The following SYK variants were observed in gnomAD, a reference collection of about 807,000 sequenced individuals.
The protein encoded by SYK is tyrosine-protein kinase SYK.
SYK carries 16 observed loss-of-function variants against 77.8 expected under a neutral mutation model. That is an observed-to-expected ratio of 0.21 (90% CI 0.14 to 0.31). The LOEUF (loss-of-function observed/expected upper bound fraction) is 0.31, where lower values mean the gene tolerates loss of function less well. Ranked by LOEUF, SYK falls within the 10% of genes least tolerant of loss-of-function variation. The pLI, the probability that SYK is intolerant of heterozygous loss-of-function variation, is 1.00. For synonymous variants in SYK, 312 were observed against 308.7 expected (o/e 1.01, Z -0.11); for missense variants, 529 against 814.4 (o/e 0.65, Z 4.26).
At chr9:90,802,814 G>GAAAAAAAAAAAAAA in intron 1 of SYK, among the ~76,000 whole-genome samples, 1 of 1,760 alleles carries the variant, frequency 5.7e-4, no homozygotes, top group Non-Finnish European at 9.4e-4. Flanking sequence ...GCAGCGTGTA[G>GAAAAAAAAAAAAAA]TAAAAAAAAA....
rs984812173 is a variant in SYK at position 90,812,770 on chromosome 9, TGTGTGTGTGAGAGAGA to T, written c.-42+10879_-42+10894del. On this transcript the variant is annotated intron_variant, in intron 1 of 13. Coordinates refer to ENST00000375754, the MANE Select transcript of SYK (RefSeq NM_003177.7). ...GTGTGTGTGTGTGTGTGTGTGTGTG[TGTGTGTGTGAGAGAGA>T]GAGATTGAGAGAGAGAGGGCTCGTG... Among the ~76,000 whole-genome samples the T allele has an allele frequency of 2.8e-4, 25 of 90,036 alleles. No homozygotes were observed. In the East Asian group the frequency reaches 8.0e-3, roughly 29 times the overall value. 59.1% of individuals were successfully genotyped at this position (90,036 alleles called of 152,430 possible).
At chr9:90,848,774 G>T (rs1025661466) in intron 3 of SYK, among the ~76,000 whole-genome samples, 1 of 152,230 alleles carries the variant, frequency 6.6e-6, no homozygotes, top group Non-Finnish European at 1.5e-5. Context: ...TGCCCTCATG[G>T]ACCCTGCATT....
intron 3 of SYK, among the ~76,000 whole-genome samples, chr9:90,858,210 A>T (rs966416501): frequency 6.6e-6 from 1 of 152,108 alleles, no homozygotes; most frequent in African/African-American, 2.4e-5. Context: ...TCACCTTTGG[A>T]TAGTGTTCTA....
At position 90,897,244 on chromosome 9, in the gene SYK, T is replaced by C; in HGVS notation, c.*1644T>C. 4.3e-6 allele frequency: 1 copy of C among 230,732 alleles called. No individual in the cohort carries two copies. Among genetic ancestry groups the C allele is most frequent in the Non-Finnish European group, 8.6e-6 (1 of 116,420 alleles). 14.3% of individuals were successfully genotyped at this position (230,732 alleles called of 1,614,324 possible). A position where few individuals can be genotyped will look rare whatever the true frequency, so the allele number is the denominator to read the frequency against. ...CTCAGCCACAGAAGACAGGAGTCAC[T>C]CATATAACTTGTGTTTAGAAGTTTT... On this transcript the variant is annotated 3_prime_UTR_variant, in exon 14 of 14. Coordinates refer to ENST00000375754, the MANE Select transcript of SYK (RefSeq NM_003177.7).
chr9:90,844,018 G>T lies in SYK; in HGVS notation c.120G>T (p.Leu40Phe), dbSNP rs1352390840. The T allele has an allele frequency of 5.6e-6, 9 of 1,611,794 alleles. No homozygotes were observed. The highest frequency in any genetic ancestry group is 6.8e-6 in the Non-Finnish European group (8 of 1,178,962). The change falls in exon 2 of 14, where the codon TTG becomes TTT. Residue 40 changes from leucine (L) to phenylalanine (F), a missense_variant. Coordinates refer to ENST00000375754, the MANE Select transcript of SYK (RefSeq NM_003177.7). ...GGGGCATGAGTGATGGGCTTTATTT[G>T]CTGCGCCAGAGCCGCAACTACCTGG... ...VQGGMSDGLY[L>F]LRQSRNYLGG...
Position 90,844,330 on chromosome 9 carries a change from G to A in SYK, c.417+15G>A, listed in dbSNP as rs2118638555. On this transcript the variant is annotated intron_variant, in intron 2 of 13. Transcript: ENST00000375754. ...GGAACCTGCAGGTGGGCCACAGCTGGTCCTGCTCCCTGGGCCCAGGGGGCC... is the reference window on the plus strand; with the variant it reads ...GGAACCTGCAGGTGGGCCACAGCTGATCCTGCTCCCTGGGCCCAGGGGGCC... 1 of 1,568,430 alleles carries A rather than the reference G, an allele frequency of 6.4e-7. No individual in the cohort carries two copies. Among genetic ancestry groups the A allele is most frequent in the Admixed American group, 1.9e-5 (1 of 53,280 alleles).
intron 1 of SYK, among the ~76,000 whole-genome samples, chr9:90,819,563 A>G (rs1170951366): frequency 6.6e-6 from 1 of 152,236 alleles, no homozygotes; most frequent in Non-Finnish European, 1.5e-5. Context: ...TGATAAATCC[A>G]TGAGATCTTG....
chr9:90,890,990 G>A (rs1477079527), intron 13 of SYK, among the ~76,000 whole-genome samples: 3 of 152,162 alleles, frequency 2.0e-5, no homozygotes, highest in Non-Finnish European at 4.4e-5. Flanking sequence ...AAATGCAAGG[G>A]TTTTATAGAC....
intron 1 of SYK, among the ~76,000 whole-genome samples, chr9:90,810,236 C>T (rs1023168018): frequency 2.6e-5 from 4 of 152,162 alleles, no homozygotes; most frequent in African/African-American, 9.7e-5. Flanking sequence ...CCCAGGGTGG[C>T]TCCTTCCAAG....
intron 1 of SYK, among the ~76,000 whole-genome samples, chr9:90,823,475 C>T (rs1321118529): frequency 6.6e-6 from 1 of 152,130 alleles, no homozygotes; most frequent in African/African-American, 2.4e-5. Flanking sequence ...GGAATATTCA[C>T]CAAGATAGAG....
chr9:90,825,200 A>G (rs1825632478), intron 1 of SYK, among the ~76,000 whole-genome samples: 1 of 152,226 alleles, frequency 6.6e-6, no homozygotes, highest in Non-Finnish European at 1.5e-5. Context: ...AAACTACAAA[A>G]TAATGATGGA....
chr9:90,861,468 T>A (rs1827258584), intron 3 of SYK, among the ~76,000 whole-genome samples: 1 of 152,146 alleles, frequency 6.6e-6, no homozygotes, highest in South Asian at 2.1e-4. Flanking sequence ...ATATCATCAT[T>A]TGAAACTGTT....
chr9:90,877,540 A>G, intron 9 of SYK, 31 bp from the exon 10 acceptor site: 2 of 1,611,758 alleles, frequency 1.2e-6, no homozygotes, highest in South Asian at 1.1e-5. Flanking sequence ...CATTTTGGAA[A>G]GTTTCTTGTG....
rs528722795 is a variant in SYK at position 90,895,402 on chromosome 9, C to A, written c.1836-126C>A. ...GGGGGCACAGGGACCACGCTGTGAG[C>A]TGCAGGCCCTAGAGTTAGCCACCAG... is the stretch of plus-strand genomic sequence containing the variant. On this transcript the variant is annotated intron_variant, in intron 13 of 13. Coordinates refer to ENST00000375754, the MANE Select transcript of SYK (RefSeq NM_003177.7). The surrounding 1 kb of genome is among the most constrained non-coding windows in gnomAD (Gnocchi z 4.4). 3 of 928,080 alleles carry A rather than the reference C, an allele frequency of 3.2e-6. No individual in the cohort carries two copies. The highest frequency in any genetic ancestry group is 4.9e-5 in the East Asian group (2 of 40,956). 57.5% of individuals were successfully genotyped at this position (928,080 alleles called of 1,614,324 possible). A position where few individuals can be genotyped will look rare whatever the true frequency, so the allele number is the denominator to read the frequency against.
At chr9:90,852,697 A>T (rs761394419) in intron 3 of SYK, among the ~76,000 whole-genome samples, 14 of 152,228 alleles carry the variant, frequency 9.2e-5, no homozygotes, top group Non-Finnish European at 1.6e-4. Context: ...GGAGTCGTCC[A>T]ACCAGTAAGT....
At chr9:90,857,476 A>T (rs1827085036) in intron 3 of SYK, among the ~76,000 whole-genome samples, 1 of 152,218 alleles carries the variant, frequency 6.6e-6, no homozygotes, top group Non-Finnish European at 1.5e-5. Flanking sequence ...GTTTGTAATA[A>T]AATGTTTTAA....
chr9:90,826,182 GC>G (rs1825660771), intron 1 of SYK, among the ~76,000 whole-genome samples: 1 of 152,074 alleles, frequency 6.6e-6, no homozygotes, highest in South Asian at 2.1e-4. Context: ...GAAGATGGTA[GC>G]TAAGAGAAGA....
intron 1 of SYK, among the ~76,000 whole-genome samples, chr9:90,836,975 A>G (rs1450125952): frequency 2.0e-5 from 3 of 152,122 alleles, no homozygotes; most frequent in African/African-American, 7.2e-5. Context: ...ATTCCTTATG[A>G]TTTTCTTAAT....
intron 7 of SYK, 55 bp from the exon 8 acceptor site, chr9:90,874,149 A>G (rs290228): frequency 0.13 from 179,419 of 1,344,764 alleles, 13,405 homozygotes; most frequent in East Asian, 0.32. Flanking sequence ...ATGCAGATCA[A>G]CTTAACAGTT....
Sources: gnomAD v4.1 joint callset for allele counts (sites outside exome capture counted in the v4.1 genomes callset) on GRCh38, gnomAD v4.1.1 for gene constraint, Gnocchi (gnomAD v3.1) non-coding constraint, MANE v1.5 for transcripts, NCBI Gene and HGNC (gene_info 2026-07-23, HGNC 2026-07-21) for gene names.